The following GRIK1 variants were observed in gnomAD, a reference collection of about 807,000 sequenced individuals.
GRIK1 encodes glutamate ionotropic receptor kainate type subunit 1.
Under a neutral mutation model 105.7 loss-of-function variants are expected in GRIK1, and 69 were observed. The ratio of observed to expected loss-of-function variants is 0.65; its 90% CI spans 0.54 to 0.80. The LOEUF (loss-of-function observed/expected upper bound fraction) is 0.80, where lower values mean the gene tolerates loss of function less well. Ranked by LOEUF, GRIK1 falls within the 30% of genes least tolerant of loss-of-function variation. The pLI is 0.00. For missense variants in GRIK1, 1,109 were observed against 1,167.3 expected, an observed-to-expected ratio of 0.95 and a Z score of 0.73; for synonymous variants, 438 against 431.3, an observed-to-expected ratio of 1.02 and a Z score of -0.19.
In GRIK1 at chr21:29,817,928, C is replaced by T. The variant is rs60780147; in HGVS notation, c.118+121455G>A. The stretch of plus-strand genomic sequence containing the variant: ...ATTAAACATACTCCCTCATTTTGTC[C>T]TCTCCCTATTCCTATGGGTTAGGCA... On this transcript the variant is annotated intron_variant, in intron 1 of 17. Coordinates refer to ENST00000327783, the MANE Select transcript of GRIK1 (RefSeq NM_001330994.2). Among the ~76,000 whole-genome samples, 1,292 of 152,154 alleles carry T rather than the reference C, an allele frequency of 8.5e-3. 15 individuals carry two copies. The highest frequency in any genetic ancestry group is 0.021 in the African/African-American group (882 of 41,534).
chr21:29,787,966 C>T (rs1011391599), intron 1 of GRIK1, among the ~76,000 whole-genome samples: 1 of 152,164 alleles, frequency 6.6e-6, no homozygotes, highest in Non-Finnish European at 1.5e-5. Context: ...GTCGAAGAAT[C>T]TTTGTACGAA....
At chr21:29,752,343 C>G (rs1436182754) in intron 1 of GRIK1, among the ~76,000 whole-genome samples, 1 of 152,144 alleles carries the variant, frequency 6.6e-6, no homozygotes, top group Non-Finnish European at 1.5e-5. Context: ...ACTATAAGAA[C>G]AAGGAACTTA....
intron 1 of GRIK1, among the ~76,000 whole-genome samples, chr21:29,868,557 A>G (rs1002747001): frequency 6.6e-6 from 1 of 152,072 alleles, no homozygotes; most frequent in African/African-American, 2.4e-5. Context: ...TGATGATACA[A>G]TAATGAAGCT....
At chr21:29,784,293 T>C (rs1010595358) in intron 1 of GRIK1, among the ~76,000 whole-genome samples, 16 of 152,344 alleles carry the variant, frequency 1.1e-4, no homozygotes, top group African/African-American at 3.8e-4. Context: ...TTTTGTACCT[T>C]GAGTACATGT....
At chr21:29,684,012 T>C (rs1300194517) in intron 3 of GRIK1, among the ~76,000 whole-genome samples, 2 of 152,248 alleles carry the variant, frequency 1.3e-5, no homozygotes, top group Non-Finnish European at 1.5e-5. Flanking sequence ...ACTTCCCTGG[T>C]ATCCTTACAT....
chr21:29,582,485 T>C (rs897446538), intron 12 of GRIK1: 2 of 278,222 alleles, frequency 7.2e-6, no homozygotes, highest in Admixed American at 5.0e-5. Flanking sequence ...ACTCAACCTC[T>C]ATTGCCTCAA....
intron 1 of GRIK1, among the ~76,000 whole-genome samples, chr21:29,844,131 T>C (rs140770892): frequency 7.2e-5 from 11 of 152,350 alleles, no homozygotes; most frequent in African/African-American, 2.6e-4. Context: ...TTTGCTGTAA[T>C]AGATATCTTT....
At chr21:29,539,428 C>A (rs1376367822) in intron 16 of GRIK1, among the ~76,000 whole-genome samples, 1 of 152,134 alleles carries the variant, frequency 6.6e-6, no homozygotes, top group Non-Finnish European at 1.5e-5. Context: ...TTATTGAATA[C>A]CGTGCTGAAA....
intron 1 of GRIK1, among the ~76,000 whole-genome samples, chr21:29,915,234 C>G (rs757105854): frequency 6.6e-6 from 1 of 151,772 alleles, no homozygotes; most frequent in Non-Finnish European, 1.5e-5. Context: ...TATGTGCAAC[C>G]ATAGAGGATC....
intron 7 of GRIK1, among the ~76,000 whole-genome samples, chr21:29,628,333 T>C (rs1340888129): frequency 1.3e-5 from 2 of 152,244 alleles, no homozygotes; most frequent in African/African-American, 4.8e-5. Context: ...ATTTATCATA[T>C]GTTCATCTGT....
chr21:29,559,199 T>G (rs2090332128), intron 15 of GRIK1, among the ~76,000 whole-genome samples: 1 of 152,204 alleles, frequency 6.6e-6, no homozygotes, highest in Non-Finnish European at 1.5e-5. Context: ...CAAAGGTACC[T>G]ACTCTTGGTG....
intron 1 of GRIK1, among the ~76,000 whole-genome samples, chr21:29,905,941 T>TTTTG (rs796733896): frequency 1.4e-4 from 19 of 136,744 alleles, no homozygotes; most frequent in African/African-American, 5.5e-4. Flanking sequence ...AACTTGTTTT[T>TTTTG]TTTGTTTGTT....
At chr21:29,735,949 C>A (rs1050659004) in intron 1 of GRIK1, among the ~76,000 whole-genome samples, 6 of 151,412 alleles carry the variant, frequency 4.0e-5, no homozygotes, top group Admixed American at 3.9e-4. Flanking sequence ...AAGGTCATAA[C>A]ATATAAAGAA....
chr21:29,806,707 C>G (rs2066873087), intron 1 of GRIK1, among the ~76,000 whole-genome samples: 1 of 151,992 alleles, frequency 6.6e-6, no homozygotes. Context: ...GAGTACTTAC[C>G]TTGCGCTGGG....
At chr21:29,740,730 A>C (rs2064905930) in intron 1 of GRIK1, among the ~76,000 whole-genome samples, 1 of 152,212 alleles carries the variant, frequency 6.6e-6, no homozygotes, top group Non-Finnish European at 1.5e-5. Flanking sequence ...AATGTTTGAT[A>C]GGAAAATATT....
intron 1 of GRIK1, among the ~76,000 whole-genome samples, chr21:29,803,319 A>T (rs2066765051): frequency 6.6e-6 from 1 of 152,210 alleles, no homozygotes; most frequent in African/African-American, 2.4e-5. Context: ...TAATTTATTC[A>T]TCTTTCACAA....
chr21:29,618,937 C>G (rs1399003113), intron 7 of GRIK1, among the ~76,000 whole-genome samples: 1 of 151,482 alleles, frequency 6.6e-6, no homozygotes, highest in Non-Finnish European at 1.5e-5. Context: ...ACAATCCTGG[C>G]TAACAAGGTG....
At chr21:29,896,444 TG>T (rs1475166913) in intron 1 of GRIK1, among the ~76,000 whole-genome samples, 1 of 152,190 alleles carries the variant, frequency 6.6e-6, no homozygotes, top group African/African-American at 2.4e-5. Flanking sequence ...ACAAGTTCTT[TG>T]AAGATGGGGA....
chr21:29,625,243 A>G (rs916755775), intron 7 of GRIK1, among the ~76,000 whole-genome samples: 1 of 152,168 alleles, frequency 6.6e-6, no homozygotes, highest in Non-Finnish European at 1.5e-5. Flanking sequence ...TAATGCCTAA[A>G]ATGCAATCTT....
Sources: gnomAD v4.1 joint callset for allele counts (sites outside exome capture counted in the v4.1 genomes callset) on GRCh38, gnomAD v4.1.1 for gene constraint, MANE v1.5 for transcripts, NCBI Gene and HGNC (gene_info 2026-07-23, HGNC 2026-07-21) for gene names.